The following DOK7 variants were observed in gnomAD, a reference collection of about 807,000 sequenced individuals.
DOK7 encodes docking protein 7.
DOK7 carries 32 observed loss-of-function variants against 30.7 expected under a neutral mutation model. That is an observed-to-expected ratio of 1.04 (90% CI 0.79 to 1.40). The LOEUF is 1.40. Ranked by LOEUF, DOK7 falls within the 40% of genes most tolerant of loss-of-function variation. The pLI is 0.00. For missense variants in DOK7, 1,007 were observed against 699.2 expected (o/e 1.44, Z -4.97); for synonymous variants, 447 against 324.1 (o/e 1.38, Z -4.07).
chr4:3,487,289 C>T (rs1727872471), intron 5 of DOK7, among the ~76,000 whole-genome samples: 1 of 152,226 alleles, frequency 6.6e-6, no homozygotes, highest in South Asian at 2.1e-4. Context: ...GGGCCCAGCC[C>T]CCGCAGGCTG....
chr4:3,500,814 G>C, exon 8 of DOK7: 1 of 1,531,942 alleles, frequency 6.5e-7, no homozygotes, highest in Non-Finnish European at 8.7e-7. Flanking sequence ...GAGGAAGGCA[G>C]CCCCGCAGTG....
chr4:3,497,128 G>C (rs770903286), downstream of DOK7, among the ~76,000 whole-genome samples: 8 of 152,234 alleles, frequency 5.3e-5, no homozygotes, highest in Non-Finnish European at 1.0e-4. Context: ...TGGACAGCAG[G>C]GCAGTGGGTA....
intron 4 of DOK7, chr4:3,484,809 TGGCCAGCAGTGAC>T (rs1425248741): frequency 2.0e-6 from 2 of 985,522 alleles, no homozygotes; most frequent in East Asian, 1.1e-4. Flanking sequence ...GACGCGGTGC[TGGCCAGCAGTGAC>T]GGCTGCAGCA....
chr4:3,492,218 G>A (rs1461295491), intron 6 of DOK7, among the ~76,000 whole-genome samples: 1 of 152,172 alleles, frequency 6.6e-6, no homozygotes, highest in African/African-American at 2.4e-5. Context: ...CGCAGGGAGG[G>A]AGACTGGGAG....
intron 2 of DOK7, among the ~76,000 whole-genome samples, chr4:3,466,870 G>A (rs142894021): frequency 2.2e-4 from 34 of 152,322 alleles, no homozygotes; most frequent in African/African-American, 7.2e-4. Flanking sequence ...CACCTGTGCC[G>A]GGCAGGGGCA....
At chr4:3,478,563 A>G (rs1294885299) in intron 4 of DOK7, among the ~76,000 whole-genome samples, 1 of 150,756 alleles carries the variant, frequency 6.6e-6, no homozygotes, top group Non-Finnish European at 1.5e-5. Flanking sequence ...AAACCTGCAG[A>G]CTGGGCTGGC....
In DOK7 at chr4:3,485,248, C is replaced by T. The variant is rs559566605; in HGVS notation, c.533-291C>T. 548 of 338,006 alleles carry T rather than the reference C, an allele frequency of 1.6e-3. 1 individual carries two copies. The highest frequency in any genetic ancestry group is 2.1e-3 in the Non-Finnish European group (405 of 189,216). 20.9% of individuals were successfully genotyped at this position (338,006 alleles called of 1,614,324 possible). On this transcript the variant is annotated intron_variant, in intron 4 of 6. Coordinates refer to ENST00000340083, the MANE Select transcript of DOK7 (RefSeq NM_173660.5). Reference sequence around the variant, plus strand: ...TGTCGGCTGCAGGACCTAGGATGGGCGGGGCAGCACTCACCCCAGCGCCCA... The same window carrying T: ...TGTCGGCTGCAGGACCTAGGATGGGTGGGGCAGCACTCACCCCAGCGCCCA...
chr4:3,496,905 G>A (rs1355228671), downstream of DOK7: 14 of 1,530,546 alleles, frequency 9.1e-6, no homozygotes, highest in East Asian at 9.8e-5. Flanking sequence ...GGGACAGGAA[G>A]GCGGGAGTCT....
rs1420599734 is a variant in DOK7, at chr4:3,500,316, T to G, written c.1174T>G (p.Tyr392Asp). 6 of 1,535,734 alleles carry G rather than the reference T, an allele frequency of 3.9e-6. No homozygotes were observed. The Admixed American group carries it at 9.8e-5, about 25-fold the overall frequency. Residue 392 changes from tyrosine (Y) to aspartate (D), a missense_variant, in exon 7 of 8, where the codon TAC becomes GAC. Physicochemically the swap from Tyr to Asp is radical, Grantham distance 160 (BLOSUM62 -3). Coordinates refer to the DOK7 transcript ENST00000643608. ...GAGGCCGCGCGGCGAGTCGCCCACT[T>G]ACGTGAACATCCCCGTCAGCCCATC...
intron 6 of DOK7, among the ~76,000 whole-genome samples, chr4:3,490,681 ATTCC>A (rs61724377): frequency 0.41 from 26,090 of 64,182 alleles, 5,068 homozygotes; most frequent in East Asian, 0.62. Context: ...CCTTCCCCGC[ATTCC>A]TTCCTTCCTT....
chr4:3,468,747 T>C (rs1267464905), intron 2 of DOK7, among the ~76,000 whole-genome samples: 1 of 114,466 alleles, frequency 8.7e-6, no homozygotes, highest in African/African-American at 4.3e-5. Flanking sequence ...CCTGTGTATG[T>C]GTCTGTGTGC....
chr4:3,465,846 T>A (rs937007351), intron 2 of DOK7, among the ~76,000 whole-genome samples: 1 of 152,224 alleles, frequency 6.6e-6, no homozygotes, highest in African/African-American at 2.4e-5. Flanking sequence ...GAGGGTGGTC[T>A]GTGTCCAGTT....
intron 6 of DOK7, among the ~76,000 whole-genome samples, chr4:3,490,687 T>C (rs1352767256): frequency 1.1e-5 from 1 of 92,462 alleles, no homozygotes; most frequent in Non-Finnish European, 2.0e-5. Context: ...CCGCATTCCT[T>C]CCTTCCTTCC....
chr4:3,491,895 C>T (rs903598206), intron 6 of DOK7, among the ~76,000 whole-genome samples: 13 of 152,206 alleles, frequency 8.5e-5, no homozygotes, highest in Admixed American at 2.0e-4. Flanking sequence ...TGTGTTCCCA[C>T]GGCCAAGTGC....
At chr4:3,494,784 A>G (rs539222858), downstream of DOK7, among the ~76,000 whole-genome samples, 1 of 152,218 alleles carries the variant, frequency 6.6e-6, no homozygotes, top group African/African-American at 2.4e-5. Flanking sequence ...GGGGCTCCTC[A>G]GGTCCCGGTG....
At chr4:3,490,520 C>CCTTT (rs1560227247) in intron 6 of DOK7, among the ~76,000 whole-genome samples, 1 of 96,330 alleles carries the variant, frequency 1.0e-5, no homozygotes, top group Non-Finnish European at 2.0e-5. Flanking sequence ...TTCTTTCCTT[C>CCTTT]ACCCCCCCGC....
chr4:3,493,680 CTT>C lies in DOK7; in HGVS notation c.*180_*181del. 6.9e-7 allele frequency: 1 copy of C among 1,447,176 alleles called. No homozygotes were observed. Among genetic ancestry groups the C allele is most frequent in the Non-Finnish European group, 9.1e-7 (1 of 1,100,890 alleles). 89.6% of individuals were successfully genotyped at this position (1,447,176 alleles called of 1,614,324 possible). ...GGCTGCCACCGGAGGAAGGGGCTGACTTGGGGAGGTGAGTTCTGGAAGGCAGG... is the reference window on the plus strand; with the variant it reads ...GGCTGCCACCGGAGGAAGGGGCTGACGGGGAGGTGAGTTCTGGAAGGCAGG... On this transcript the variant is annotated 3_prime_UTR_variant, in exon 7 of 7. Coordinates refer to ENST00000340083, the MANE Select transcript of DOK7 (RefSeq NM_173660.5).
rs112731816 is a variant in DOK7, at chr4:3,487,545, G to A, written c.652+1887G>A. Among the ~76,000 whole-genome samples, 243 of 152,364 alleles carry A rather than the reference G, an allele frequency of 1.6e-3. 3 individuals carry two copies. Among genetic ancestry groups the A allele is most frequent in the Middle Eastern group, 0.01 (3 of 294 alleles). ...CCAGAGGCAGCCAGACCCACCAGGA[G>A]CAGGAGGGAAGGGCTCAGAGGTCTG... On this transcript the variant is annotated intron_variant, in intron 5 of 6. Coordinates refer to ENST00000340083, the MANE Select transcript of DOK7 (RefSeq NM_173660.5).
At chr4:3,492,090 A>G (rs1380583691) in intron 6 of DOK7, among the ~76,000 whole-genome samples, 1 of 152,172 alleles carries the variant, frequency 6.6e-6, no homozygotes, top group Admixed American at 6.5e-5. Context: ...TGGAAGGCAG[A>G]GCAGGCAGCT....
Sources: gnomAD v4.1 joint callset for allele counts (sites outside exome capture counted in the v4.1 genomes callset) on GRCh38, gnomAD v4.1.1 for gene constraint, MANE v1.5 for transcripts, NCBI Gene and HGNC (gene_info 2026-07-23, HGNC 2026-07-21) for gene names.